PRXL2A: variants seen among roughly 807,000 people sequenced by gnomAD.
The protein encoded by PRXL2A is peroxiredoxin-like 2A.
PRXL2A carries 26 observed loss-of-function variants against 25.6 expected under a neutral mutation model. That is an observed-to-expected ratio of 1.02 (90% CI 0.74 to 1.41). The LOEUF (loss-of-function observed/expected upper bound fraction) is 1.41. Ranked by LOEUF, PRXL2A falls within the 40% of genes most tolerant of loss-of-function variation. The pLI is 0.00. For synonymous variants in PRXL2A, 98 were observed against 102.9 expected, an observed-to-expected ratio of 0.95 and a Z score of 0.29; for missense variants, 246 against 273.9, an observed-to-expected ratio of 0.90 and a Z score of 0.72.
In PRXL2A at chr10:80,420,170, C is replaced by A. The variant is rs919648124; in HGVS notation, c.-2-296C>A. ...CAGAGCTAGGGGCTGCAACTTGGGG[C>A]ATGAGAAGAGAGAGCAGCAAGAGAA... On this transcript the variant is annotated intron_variant, in intron 1 of 5. Transcript: ENST00000606162. 2.3e-5 allele frequency: 24 copies of A among 1,044,108 alleles called. No individual in the cohort carries two copies. The African/African-American group carries it at 4.0e-4, about 18-fold the overall frequency. 64.7% of individuals were successfully genotyped at this position (1,044,108 alleles called of 1,614,324 possible).
In PRXL2A at chr10:80,422,523, G is replaced by A. The variant is rs143142618; in HGVS notation, c.270+15G>A. 798 of 1,606,782 alleles carry A rather than the reference G, an allele frequency of 5.0e-4. 6 individuals are homozygous for A. In the African/African-American group the frequency reaches 9.2e-3, roughly 19 times the overall value. On this transcript the variant is annotated intron_variant, in intron 3 of 5. Transcript: ENST00000606162. ...TCTGTCGAGAGGTGAGTGCAGATGA[G>A]GATCTATTCAGAGAAAGGGATCCTG...
intron 1 of PRXL2A, among the ~76,000 whole-genome samples, chr10:80,410,877 C>A (rs893645834): frequency 2.1e-4 from 32 of 152,294 alleles, no homozygotes; most frequent in African/African-American, 7.7e-4. Context: ...GGCCCTACAG[C>A]TTGAGGAAAC....
intron 1 of PRXL2A, among the ~76,000 whole-genome samples, chr10:80,418,423 C>T (rs1314144349): frequency 2.0e-5 from 3 of 152,164 alleles, no homozygotes; most frequent in Non-Finnish European, 4.4e-5. Flanking sequence ...CTGGCCTACC[C>T]TTTCCTTCCC....
intron 1 of PRXL2A, among the ~76,000 whole-genome samples, chr10:80,411,821 A>G (rs1844485322): frequency 2.0e-5 from 3 of 151,972 alleles, no homozygotes; most frequent in South Asian, 4.1e-4. Context: ...CTTCTCCCCT[A>G]TCTCTGCCTC....
chr10:80,418,162 T>A (rs1318957490), intron 1 of PRXL2A, among the ~76,000 whole-genome samples: 2 of 152,016 alleles, frequency 1.3e-5, no homozygotes, highest in Non-Finnish European at 2.9e-5. Flanking sequence ...GATAGGTAAT[T>A]TTCACCCCAC....
Position 80,418,372 on chromosome 10 carries a change from T to C in PRXL2A, c.-2-2094T>C, listed in dbSNP as rs893387705. 3.3e-5 allele frequency among the ~76,000 whole-genome samples: 5 copies of C among 152,152 alleles called. No homozygotes were observed. The South Asian group carries it at 1.0e-3, about 31-fold the overall frequency. On this transcript the variant is annotated intron_variant, in intron 1 of 5. Coordinates refer to ENST00000606162, the MANE Select transcript of PRXL2A (RefSeq NM_032333.5). ...GTTCTTTTTTTATGGCTGCCTCTTT[T>C]GTTTCTTAAATCTGAATTTCCATGT...
chr10:80,432,004 C>G lies in PRXL2A; in HGVS notation c.595C>G (p.Arg199Gly). ...CTTTTAGGGCATTCTTCTTGAGCAC[C>G]GAGAAAAAGAATTTGGAGACAAAGT... ...SGKQGILLEH[R>G]EKEFGDKVNL... The change falls in exon 6 of 6, where the codon CGA (arginine) becomes GGA (glycine). Residue 199 changes from arginine to glycine, a missense_variant. Transcript: ENST00000606162. 1 of 1,610,236 alleles carries G rather than the reference C, an allele frequency of 6.2e-7. No individual in the cohort carries two copies. The highest frequency in any genetic ancestry group is 8.5e-7 in the Non-Finnish European group (1 of 1,178,390).
At chr10:80,430,051 G>A (rs187862611) in intron 5 of PRXL2A, among the ~76,000 whole-genome samples, 1 of 148,572 alleles carries the variant, frequency 6.7e-6, no homozygotes, top group East Asian at 2.0e-4. Context: ...GTTGGGTGTA[G>A]AGTTTTTGTA....
In PRXL2A at chr10:80,435,654, G is replaced by A. The variant is rs1015370054; in HGVS notation, c.*3555G>A. ...ACCGTACCCAACAGATTTTATTTTT[G>A]TAGGGATGGGGGTCTCCCTGTATTG... On this transcript the variant is annotated 3_prime_UTR_variant, in exon 6 of 6. Coordinates refer to ENST00000606162, the MANE Select transcript of PRXL2A (RefSeq NM_032333.5). The A allele has an allele frequency of 9.2e-5, 14 of 151,950 alleles. No homozygotes were observed. Among genetic ancestry groups the A allele is most frequent in the Admixed American group, 8.5e-4 (13 of 15,280 alleles). 9.4% of individuals were successfully genotyped at this position (151,950 alleles called of 1,614,324 possible).
chr10:80,417,401 T>C (rs1844699150), intron 1 of PRXL2A, among the ~76,000 whole-genome samples: 1 of 152,202 alleles, frequency 6.6e-6, no homozygotes, highest in African/African-American at 2.4e-5. Context: ...GTCAACTCCT[T>C]GCGGAAGGGG....
upstream of PRXL2A, chr10:80,407,917 T>G (rs1844328407): frequency 1.3e-5 from 2 of 152,266 alleles, no homozygotes; most frequent in Non-Finnish European, 2.9e-5. Context: ...GGACACAACC[T>G]CCTACTTTCA....
Position 80,420,298 on chromosome 10 carries a change from G to T in PRXL2A, c.-2-168G>T. On this transcript the variant is annotated intron_variant, in intron 1 of 5. Coordinates refer to ENST00000606162, the MANE Select transcript of PRXL2A (RefSeq NM_032333.5). The stretch of plus-strand genomic sequence containing the variant: ...GTGTGCTGCATCCCCAAGTTCTGGT[G>T]GCAGCAGGTGCTTAGCAGCCCTTGT... 3 of 1,356,620 alleles carry T rather than the reference G, an allele frequency of 2.2e-6. No homozygotes were observed. In the South Asian group the frequency reaches 6.0e-5, roughly 27 times the overall value. The allele number at this position is 1,356,620 out of a possible 1,614,324, so 84.0% of individuals were successfully genotyped here. A position where few individuals can be genotyped will look rare whatever the true frequency, so the allele number is the denominator to read the frequency against.
chr10:80,429,002 C>T (rs1018565528), intron 5 of PRXL2A, among the ~76,000 whole-genome samples: 1 of 151,888 alleles, frequency 6.6e-6, no homozygotes, highest in African/African-American at 2.4e-5. Context: ...CCTGGGTTCA[C>T]GCCATTCTCC....
At chr10:80,420,422 C>A in intron 1 of PRXL2A, 44 bp from the exon 2 acceptor site, 1 of 1,511,226 alleles carries the variant, frequency 6.6e-7, no homozygotes, top group South Asian at 1.4e-5. Flanking sequence ...TTCCAGCTAC[C>A]CTGTGGGAGC....
intron 1 of PRXL2A, among the ~76,000 whole-genome samples, chr10:80,409,849 A>G (rs1448020761): frequency 6.6e-6 from 1 of 152,210 alleles, no homozygotes; most frequent in East Asian, 1.9e-4. Context: ...ACTCTGTAGA[A>G]GGTAATTAAG....
At chr10:80,423,162 G>A (rs1164287666) in intron 3 of PRXL2A, among the ~76,000 whole-genome samples, 1 of 152,214 alleles carries the variant, frequency 6.6e-6, no homozygotes, top group Non-Finnish European at 1.5e-5. Flanking sequence ...TTGGCCCCTC[G>A]AAGGGAAGAC....
At position 80,427,333 on chromosome 10, in the gene PRXL2A, A is replaced by G. The variant is rs1845077088; in HGVS notation, c.413A>G (p.Lys138Arg). 6.2e-7 allele frequency: 1 copy of G among 1,613,804 alleles called. No individual in the cohort carries two copies. Among genetic ancestry groups the G allele is most frequent in the Non-Finnish European group, 8.5e-7 (1 of 1,179,858 alleles). Residue 138 changes from lysine to arginine, a missense_variant and splice_region_variant, in exon 5 of 6, where the codon AAA (lysine) becomes AGA (arginine). Physicochemically the swap from Lys to Arg is conservative, Grantham distance 26. Coordinates refer to ENST00000606162, the MANE Select transcript of PRXL2A (RefSeq NM_032333.5). ...GGATCTGTCTTTCTCACTCCATAGA[A>G]AAAGTTCTATGGTCCACAAAGGCGG... Reference protein sequence around the residue: ...FKGEIFLDEKKKFYGPQRRKM... With the variant: ...FKGEIFLDEKRKFYGPQRRKM...
At chr10:80,419,692 A>C (rs1436717359) in intron 1 of PRXL2A, among the ~76,000 whole-genome samples, 2 of 152,188 alleles carry the variant, frequency 1.3e-5, no homozygotes, top group Admixed American at 1.3e-4. Context: ...AAGTCAGATT[A>C]CTAAACACCA....
chr10:80,411,618 C>G (rs554494663), intron 1 of PRXL2A, among the ~76,000 whole-genome samples: 2 of 152,346 alleles, frequency 1.3e-5, no homozygotes, highest in East Asian at 3.9e-4. Context: ...CTAGCCAGCT[C>G]CTTCTCTGAG....
Sources: allele counts gnomAD v4.1 joint callset (sites outside exome capture counted in the v4.1 genomes callset), GRCh38; gene constraint gnomAD v4.1.1; transcripts MANE v1.5; gene names NCBI Gene and HGNC (gene_info 2026-07-23, HGNC 2026-07-21).